SOSTDC1: variants seen among roughly 807,000 people sequenced by gnomAD.
The protein encoded by SOSTDC1 is sclerostin domain-containing protein 1.
A neutral mutation model predicts 15.1 loss-of-function variants in SOSTDC1; 7 were observed. That is an observed-to-expected ratio of 0.46 (90% CI 0.26 to 0.87). SOSTDC1 has a LOEUF of 0.87. SOSTDC1 is among the 40% of genes least tolerant of loss of function. SOSTDC1 has a pLI of 0.15. For missense variants in SOSTDC1, 242 were observed against 259.2 expected, an observed-to-expected ratio of 0.93 and a Z score of 0.46; for synonymous variants, 94 against 93.2, an observed-to-expected ratio of 1.01 and a Z score of -0.05.
Position 16,463,250 on chromosome 7 carries a change from C to A in SOSTDC1, c.206-287G>T, listed in dbSNP as rs1285006397. ...ATTGCTTATTAGAGTGTTTGAAAAT[C>A]CAATTTCCTTAGTCTGACTCTCCAA... is the stretch of plus-strand genomic sequence containing the variant. On this transcript the variant is annotated intron_variant, in intron 1 of 1. Coordinates refer to ENST00000307068, the MANE Select transcript of SOSTDC1 (RefSeq NM_015464.3). 2.6e-5 allele frequency among the ~76,000 whole-genome samples: 4 copies of A among 152,256 alleles called. No individual in the cohort carries two copies. In the East Asian group the frequency reaches 5.8e-4, roughly 22 times the overall value.
At chr7:16,465,210 G>T (rs544665871) in intron 1 of SOSTDC1, among the ~76,000 whole-genome samples, 1 of 152,242 alleles carries the variant, frequency 6.6e-6, no homozygotes, top group African/African-American at 2.4e-5. Context: ...TTAATTCCTG[G>T]AAATGTTTTC....
Position 16,462,728 on chromosome 7 carries a change from G to A in SOSTDC1, c.441C>T (p.Cys147=). The change falls in exon 2 of 2, where the codon TGC becomes TGT. Residue 147 remains cysteine, a synonymous_variant. Transcript: ENST00000307068. The part of the protein sequence containing the change: ...KTRTQRIQLQ[C]QDGSTRTYKI... ...TGTAGGTGCGTGTGCTGCCATCTTG[G>A]CACTGCAGCTGGATTCTCTGGGTAC... 6.2e-7 allele frequency: 1 copy of A among 1,614,198 alleles called. No individual in the cohort carries two copies. Among genetic ancestry groups the A allele is most frequent in the Non-Finnish European group, 8.5e-7 (1 of 1,180,022 alleles).
In SOSTDC1 at chr7:16,465,459, C is replaced by G. The variant is rs1391459007; in HGVS notation, c.205+5G>C. On this transcript the variant is annotated splice_donor_5th_base_variant and intron_variant, in intron 1 of 1. Coordinates refer to ENST00000307068, the MANE Select transcript of SOSTDC1 (RefSeq NM_015464.3). ...AAAAAAACTGTACAAGTAAAACACA[C>G]TTACTGTTCCGATCCAGTCCAGTGT... is the stretch of plus-strand genomic sequence containing the variant. 6.2e-7 allele frequency: 1 copy of G among 1,611,464 alleles called. No individual in the cohort carries two copies. Among genetic ancestry groups the G allele is most frequent in the Non-Finnish European group, 8.5e-7 (1 of 1,177,840 alleles).
chr7:16,462,848 C>A lies in SOSTDC1; in HGVS notation c.321G>T (p.Leu107=). ...ELVCAGECLP[L]PVLPNWIGGG... Reference sequence around the variant, plus strand: ...CTCCAATCCAGTTAGGGAGCACTGGCAGGGGCAAGCACTCGCCAGCACACA... The same window carrying A: ...CTCCAATCCAGTTAGGGAGCACTGGAAGGGGCAAGCACTCGCCAGCACACA... The change falls in exon 2 of 2, where the codon CTG becomes CTT. Residue 107 remains leucine (L), a synonymous_variant. Coordinates refer to ENST00000307068, the MANE Select transcript of SOSTDC1 (RefSeq NM_015464.3). The A allele has an allele frequency of 6.2e-7, 1 of 1,614,150 alleles. No homozygotes were observed. Among genetic ancestry groups the A allele is most frequent in the South Asian group, 1.1e-5 (1 of 91,076 alleles).
intron 1 of SOSTDC1, chr7:16,464,466 A>G (rs888434633): frequency 1.8e-5 from 18 of 987,062 alleles, no homozygotes; most frequent in Non-Finnish European, 2.5e-5. Context: ...CAGTAATCTA[A>G]TAATAATCAG....
At position 16,463,692 on chromosome 7, in the gene SOSTDC1, C is replaced by CA. The variant is rs146646161; in HGVS notation, c.206-730dup. Among the ~76,000 whole-genome samples the CA allele has an allele frequency of 7.8e-3, 1,194 of 152,204 alleles. 15 individuals carry two copies. Among genetic ancestry groups the CA allele is most frequent in the African/African-American group, 0.027 (1,141 of 41,508 alleles). On this transcript the variant is annotated intron_variant, in intron 1 of 1. Coordinates refer to ENST00000307068, the MANE Select transcript of SOSTDC1 (RefSeq NM_015464.3). Reference sequence around the variant, plus strand: ...CCCTAAATCAGGAACGTATGGTTGCCATAACAACTTGGCTACATTTCCATG... The same window carrying CA: ...CCCTAAATCAGGAACGTATGGTTGCCAATAACAACTTGGCTACATTTCCATG...
At chr7:16,463,926 C>T (rs1053348116) in intron 1 of SOSTDC1, among the ~76,000 whole-genome samples, 2 of 151,982 alleles carry the variant, frequency 1.3e-5, no homozygotes, top group South Asian at 4.2e-4. Flanking sequence ...TTTCCTTACC[C>T]TTGCTTTGTT....
At position 16,462,663 on chromosome 7, in the gene SOSTDC1, G is replaced by T; in HGVS notation, c.506C>A (p.Thr169Asn). Residue 169 changes from threonine to asparagine, a missense_variant, in exon 2 of 2, where the codon ACC becomes AAC. Transcript: ENST00000307068. ...VVTACKCKRY[T>N]RQHNESSHNF... Reference sequence around the variant, plus strand: ...GTGACTGGACTCGTTGTGCTGCCGGGTGTACCTCTTGCACTTGCAGGCAGT... The same window carrying T: ...GTGACTGGACTCGTTGTGCTGCCGGTTGTACCTCTTGCACTTGCAGGCAGT... 6.2e-7 allele frequency: 1 copy of T among 1,614,198 alleles called. No individual in the cohort carries two copies. Among genetic ancestry groups the T allele is most frequent in the South Asian group, 1.1e-5 (1 of 91,086 alleles).
At position 16,462,366 on chromosome 7, in the gene SOSTDC1, T is replaced by G. The variant is rs1297208246; in HGVS notation, c.*182A>C. ...TGGATATACCTACATCTTGAAAAAC[T>G]TGAAAAGGAAAAACTATTCCCAAAG... is the stretch of plus-strand genomic sequence containing the variant. On this transcript the variant is annotated 3_prime_UTR_variant, in exon 2 of 2. Transcript: ENST00000307068. 1 of 627,968 alleles carries G rather than the reference T, an allele frequency of 1.6e-6. No homozygotes were observed. The highest frequency in any genetic ancestry group is 3.0e-5 in the Admixed American group (1 of 33,340). 38.9% of individuals were successfully genotyped at this position (627,968 alleles called of 1,614,324 possible).
chr7:16,461,687 T>C lies in SOSTDC1; in HGVS notation c.*861A>G, dbSNP rs1392698821. ...TATTGATTTAAAAAGATCCATACTA[T>C]TGATAAAGTTCACCATGAACATATA... On this transcript the variant is annotated 3_prime_UTR_variant, in exon 2 of 2. Coordinates refer to ENST00000307068, the MANE Select transcript of SOSTDC1 (RefSeq NM_015464.3). 6.6e-6 allele frequency: 1 copy of C among 152,588 alleles called. No individual in the cohort carries two copies. Among genetic ancestry groups the C allele is most frequent in the African/African-American group, 2.4e-5 (1 of 41,436 alleles). The allele number at this position is 152,588 out of a possible 1,614,324, so 9.5% of individuals were successfully genotyped here. A position where few individuals can be genotyped will look rare whatever the true frequency, so the allele number is the denominator to read the frequency against.
chr7:16,462,710 G>C lies in SOSTDC1; in HGVS notation c.459C>G (p.Arg153=), dbSNP rs778093572. ...CAGTGACTACTGTGATTTTGTAGGT[G>C]CGTGTGCTGCCATCTTGGCACTGCA... ...IQLQCQDGST[R]TYKITVVTAC... Residue 153 remains arginine (R), a synonymous_variant, in exon 2 of 2, where the codon CGC becomes CGG. Transcript: ENST00000307068. 1 of 1,614,202 alleles carries C rather than the reference G, an allele frequency of 6.2e-7. No homozygotes were observed. Among genetic ancestry groups the C allele is most frequent in the South Asian group, 1.1e-5 (1 of 91,086 alleles).
chr7:16,463,317 T>C (rs1358461728), intron 1 of SOSTDC1, among the ~76,000 whole-genome samples: 1 of 152,234 alleles, frequency 6.6e-6, no homozygotes, highest in African/African-American at 2.4e-5. Flanking sequence ...AAATATTCAT[T>C]ATTCAATGAG....
chr7:16,464,142 T>G (rs916961525), intron 1 of SOSTDC1, among the ~76,000 whole-genome samples: 7 of 152,246 alleles, frequency 4.6e-5, no homozygotes, highest in African/African-American at 1.7e-4. Flanking sequence ...CATCTCTGTA[T>G]GCTAGTACTT....
rs778378406 is a variant in SOSTDC1 at position 16,465,470 on chromosome 7, G to C, written c.199C>G (p.Arg67Gly). 44 of 1,612,688 alleles carry C rather than the reference G, an allele frequency of 2.7e-5. No homozygotes were observed. Among genetic ancestry groups the C allele is most frequent in the Non-Finnish European group, 3.4e-5 (40 of 1,178,912 alleles). ...ACAAGTAAAACACACTTACTGTTCC[G>C]ATCCAGTCCAGTGTTACTGAAATGC... ...GRHFSNTGLD[R>G]NTRVQVGCRE... The change falls in exon 1 of 2, where the codon CGG (arginine) becomes GGG (glycine). Residue 67 changes from arginine to glycine, a missense_variant. Arg to Gly is a moderately radical substitution (Grantham distance 125). Transcript: ENST00000307068.
At chr7:16,465,372 C>A in intron 1 of SOSTDC1, 92 bp downstream of exon 1, 1 of 1,091,328 alleles carries the variant, frequency 9.2e-7, no homozygotes, top group Non-Finnish European at 1.4e-6. Flanking sequence ...ATATACGGTT[C>A]AGGTTAGTTA....
At chr7:16,464,675 T>G (rs1781274904) in intron 1 of SOSTDC1, among the ~76,000 whole-genome samples, 1 of 150,394 alleles carries the variant, frequency 6.6e-6, no homozygotes, top group Non-Finnish European at 1.5e-5. Flanking sequence ...TCTCTCTCTC[T>G]TAAAACCTGA....
rs1407188470 is a variant in SOSTDC1, at chr7:16,462,457, A to G, written c.*91T>C. On this transcript the variant is annotated 3_prime_UTR_variant, in exon 2 of 2. Coordinates refer to ENST00000307068, the MANE Select transcript of SOSTDC1 (RefSeq NM_015464.3). Reference sequence around the variant, plus strand: ...AGCAGAAAGCATATACTTTCAAGTGAGAAAACAGCAGTGGCAGGCTTGAGT... The same window carrying G: ...AGCAGAAAGCATATACTTTCAAGTGGGAAAACAGCAGTGGCAGGCTTGAGT... The G allele has an allele frequency of 8.9e-6, 12 of 1,352,966 alleles. No individual in the cohort carries two copies. Among genetic ancestry groups the G allele is most frequent in the Non-Finnish European group, 1.0e-5 (10 of 965,178 alleles). 83.8% of individuals were successfully genotyped at this position (1,352,966 alleles called of 1,614,324 possible). A position where few individuals can be genotyped will look rare whatever the true frequency, so the allele number is the denominator to read the frequency against.
At chr7:16,463,266 G>C (rs1370518065) in intron 1 of SOSTDC1, among the ~76,000 whole-genome samples, 1 of 152,120 alleles carries the variant, frequency 6.6e-6, no homozygotes, top group Non-Finnish European at 1.5e-5. Flanking sequence ...TCCTTAGTCT[G>C]ACTCTCCAAT....
At chr7:16,463,725 T>C (rs1194883297) in intron 1 of SOSTDC1, among the ~76,000 whole-genome samples, 1 of 152,212 alleles carries the variant, frequency 6.6e-6, no homozygotes, top group Non-Finnish European at 1.5e-5. Context: ...ATGAATTTTA[T>C]GGCAGAAAAA....
Sources: gnomAD v4.1 joint callset for allele counts (sites outside exome capture counted in the v4.1 genomes callset) on GRCh38, gnomAD v4.1.1 for gene constraint, MANE v1.5 for transcripts, NCBI Gene and HGNC (gene_info 2026-07-23, HGNC 2026-07-21) for gene names.